The following LAD1 variants were observed in gnomAD, a reference collection of about 807,000 sequenced individuals.
LAD1 encodes the protein ladinin-1.
A neutral mutation model predicts 54.2 loss-of-function variants in LAD1; 53 were observed. The observed-to-expected ratio is 0.98, with a 90% CI of 0.78 to 1.23. LAD1 has a LOEUF of 1.23. LAD1 is among the 50% of genes most tolerant of loss of function. The probability of loss-of-function intolerance (pLI) is 0.00; values close to 1 mark genes in which losing one functional copy is unlikely to be tolerated. For synonymous variants in LAD1, 231 were observed against 257.7 expected (o/e 0.90, Z 0.99); for missense variants, 637 against 653.3 (o/e 0.98, Z 0.27).
intron 1 of LAD1, among the ~76,000 whole-genome samples, chr1:201,396,875 C>T (rs772825099): frequency 3.3e-5 from 5 of 152,126 alleles, no homozygotes; most frequent in Admixed American, 6.5e-5. Context: ...AGTAGGAGGG[C>T]GGCTCAAGGC....
chr1:201,385,185 T>A (rs772086104), intron 4 of LAD1, among the ~76,000 whole-genome samples: 9 of 152,140 alleles, frequency 5.9e-5, no homozygotes, highest in Non-Finnish European at 8.8e-5. Flanking sequence ...CTGGCACACA[T>A]TAGAGGCATG....
chr1:201,388,050 T>C (rs1248737145), intron 2 of LAD1, among the ~76,000 whole-genome samples: 1 of 152,096 alleles, frequency 6.6e-6, no homozygotes, highest in Non-Finnish European at 1.5e-5. Context: ...CCCCACCTCA[T>C]AATCCCAAAA....
At chr1:201,385,172 G>A (rs1350633275) in intron 4 of LAD1, among the ~76,000 whole-genome samples, 1 of 152,072 alleles carries the variant, frequency 6.6e-6, no homozygotes, top group African/African-American at 2.4e-5. Context: ...ACCTCTCCAG[G>A]GCCTGGCACA....
rs561329442 is a variant in LAD1, at chr1:201,388,263, T to G, written c.182+897A>C. Among the ~76,000 whole-genome samples, 74 of 152,152 alleles carry G rather than the reference T, an allele frequency of 4.9e-4. 1 individual carries two copies. Among genetic ancestry groups the G allele is most frequent in the African/African-American group, 1.8e-3 (74 of 41,512 alleles). ...AAAATTATCCGGGCATGGTGGCAGG[T>G]GCCTTTAATCTCAGCTACTCGGGAG... On this transcript the variant is annotated intron_variant, in intron 2 of 9. Transcript: ENST00000391967.
chr1:201,381,898 G>T lies in LAD1; in HGVS notation c.1549-5C>A. Reference sequence around the variant, plus strand: ...TCTTGGCGGGGCTTGTCACACCTGTGGGGCAAAGAGCTGTTAGCACAAGTC... The same window carrying T: ...TCTTGGCGGGGCTTGTCACACCTGTTGGGCAAAGAGCTGTTAGCACAAGTC... On this transcript the variant is annotated splice_region_variant and splice_polypyrimidine_tract_variant and intron_variant, in intron 9 of 9. Coordinates refer to ENST00000391967, the MANE Select transcript of LAD1 (RefSeq NM_005558.4). 6.2e-7 allele frequency: 1 copy of T among 1,613,712 alleles called. No individual in the cohort carries two copies. Among genetic ancestry groups the T allele is most frequent in the Non-Finnish European group, 8.5e-7 (1 of 1,179,758 alleles).
intron 3 of LAD1, 102 bp downstream of exon 3, chr1:201,386,233 G>T: frequency 8.5e-7 from 1 of 1,178,960 alleles, no homozygotes; most frequent in Non-Finnish European, 1.1e-6. Flanking sequence ...CAGGTAGGAG[G>T]ATGGAGGCAG....
chr1:201,388,271 A>G (rs918450859), intron 2 of LAD1, among the ~76,000 whole-genome samples: 14 of 152,032 alleles, frequency 9.2e-5, no homozygotes, highest in African/African-American at 3.4e-4. Context: ...GGTGCCTTTA[A>G]TCTCAGCTAC....
chr1:201,395,584 T>C (rs921059884), intron 1 of LAD1, among the ~76,000 whole-genome samples: 1 of 151,926 alleles, frequency 6.6e-6, no homozygotes, highest in African/African-American at 2.4e-5. Flanking sequence ...TGAAACCCCA[T>C]CTGTACTAAA....
intron 1 of LAD1, among the ~76,000 whole-genome samples, chr1:201,394,043 C>T (rs942982959): frequency 1.3e-5 from 2 of 152,046 alleles, no homozygotes; most frequent in African/African-American, 4.8e-5. Flanking sequence ...AGACCCCCAT[C>T]TCTATATAAG....
In LAD1 at chr1:201,381,323, C is replaced by A. The variant is rs1661952140; in HGVS notation, c.*565G>T. 6.2e-6 allele frequency: 1 copy of A among 160,844 alleles called. No individual in the cohort carries two copies. Among genetic ancestry groups the A allele is most frequent in the Admixed American group, 5.7e-5 (1 of 17,632 alleles). The allele number at this position is 160,844 out of a possible 1,614,324, so 10.0% of individuals were successfully genotyped here. On this transcript the variant is annotated 3_prime_UTR_variant, in exon 10 of 10. Coordinates refer to ENST00000391967, the MANE Select transcript of LAD1 (RefSeq NM_005558.4). Reference sequence around the variant, plus strand: ...CTTAGCTCCTGGCCATGGCAGCCGGCCAGGGAAGGGAGGGGAGAACCAAGC... The same window carrying A: ...CTTAGCTCCTGGCCATGGCAGCCGGACAGGGAAGGGAGGGGAGAACCAAGC...
At chr1:201,391,071 C>G (rs762024373) in intron 1 of LAD1, 2 of 455,976 alleles carry the variant, frequency 4.4e-6, no homozygotes, top group East Asian at 1.4e-4. Context: ...CAAACAAAAC[C>G]ATTTACCCAT....
intron 1 of LAD1, 75 bp from the exon 2 acceptor site, chr1:201,389,378 G>A (rs1662158630): frequency 2.0e-6 from 3 of 1,532,342 alleles, no homozygotes; most frequent in Admixed American, 1.9e-5. Flanking sequence ...CTCTAGGGCT[G>A]GGAGAAGAGA....
chr1:201,390,351 C>T (rs576324422), intron 1 of LAD1, among the ~76,000 whole-genome samples: 1 of 149,766 alleles, frequency 6.7e-6, no homozygotes, highest in Non-Finnish European at 1.5e-5. Flanking sequence ...TTGGTGAAAC[C>T]CTGTCTCTAC....
intron 5 of LAD1, 119 bp downstream of exon 5, chr1:201,384,673 T>C: frequency 1.0e-6 from 1 of 977,870 alleles, no homozygotes; most frequent in Non-Finnish European, 1.7e-6. Flanking sequence ...GGGCAAGGAC[T>C]GCACCTTCCC....
intron 1 of LAD1, among the ~76,000 whole-genome samples, chr1:201,393,498 C>A (rs897393540): frequency 1.3e-5 from 2 of 152,154 alleles, no homozygotes; most frequent in African/African-American, 4.8e-5. Flanking sequence ...GTAATCCTAG[C>A]ACTTTGAGAG....
At chr1:201,394,089 C>T (rs1335784533) in intron 1 of LAD1, among the ~76,000 whole-genome samples, 1 of 152,174 alleles carries the variant, frequency 6.6e-6, no homozygotes, top group African/African-American at 2.4e-5. Flanking sequence ...GTGAGAGAAA[C>T]AACCGCAGGA....
intron 1 of LAD1, among the ~76,000 whole-genome samples, chr1:201,391,582 AAG>A (rs772504387): frequency 2.6e-5 from 4 of 152,214 alleles, no homozygotes; most frequent in Non-Finnish European, 4.4e-5. Context: ...TCCAGTGAAA[AAG>A]AGAAGTGTGT....
Position 201,385,780 on chromosome 1 carries a change from T to A in LAD1, c.1052A>T (p.Glu351Val). The A allele has an allele frequency of 2.5e-6, 4 of 1,614,096 alleles. No individual in the cohort carries two copies. The South Asian group carries it at 4.4e-5, about 18-fold the overall frequency. The change falls in exon 4 of 10, where the codon GAG (glutamate) becomes GTG (valine). Residue 351 changes from glutamate to valine, a missense_variant. Transcript: ENST00000391967. ...CTGTGTGGGTGAGGACATATCTGCC[T>A]CTTCCTCCTTGCTGGGGATTTTCAC... is the stretch of plus-strand genomic sequence containing the variant. ...LQVKIPSKEE[E>V]ADMSSPTQRT...
At position 201,382,839 on chromosome 1, in the gene LAD1, A is replaced by G. The variant is rs935735910; in HGVS notation, c.1387-100T>C. On this transcript the variant is annotated intron_variant, in intron 7 of 9. Coordinates refer to ENST00000391967, the MANE Select transcript of LAD1 (RefSeq NM_005558.4). ...GGATAGGACTCTCCCTCACTCCCCT[A>G]TGCATCCAGCACATGCCACATATAC... 2.0e-5 allele frequency: 20 copies of G among 1,005,294 alleles called. No homozygotes were observed. The African/African-American group carries it at 2.4e-4, about 12-fold the overall frequency. 62.3% of individuals were successfully genotyped at this position (1,005,294 alleles called of 1,614,324 possible).
Sources: gnomAD v4.1 joint callset for allele counts (sites outside exome capture counted in the v4.1 genomes callset) on GRCh38, gnomAD v4.1.1 for gene constraint, MANE v1.5 for transcripts, NCBI Gene and HGNC (gene_info 2026-07-23, HGNC 2026-07-21) for gene names.